Variants in CCDC73 observed in about 807,000 individuals in gnomAD.
CCDC73 encodes coiled-coil domain-containing protein 73.
In CCDC73, 95 loss-of-function variants were observed where a neutral mutation model predicts 116.5. That is an observed-to-expected ratio of 0.82 (90% CI 0.69 to 0.97). The LOEUF is 0.97. CCDC73 is among the 50% of genes least tolerant of loss of function. The pLI is 0.00. For missense variants in CCDC73, 1,066 were observed against 1,206.8 expected, an observed-to-expected ratio of 0.88 and a Z score of 1.73; for synonymous variants, 398 against 401.3, an observed-to-expected ratio of 0.99 and a Z score of 0.10.
At chr11:32,772,728 TGTTA>T (rs1565098348) in intron 1 of CCDC73, among the ~76,000 whole-genome samples, 1 of 152,166 alleles carries the variant, frequency 6.6e-6, no homozygotes, top group African/African-American at 2.4e-5. Context: ...GTTATAAAGG[TGTTA>T]GTTATTCTAT....
the CCDC73 span, among the ~76,000 whole-genome samples, chr11:32,823,897 T>G: frequency 9.3e-4 from 142 of 152,216 alleles, no homozygotes; most frequent in Non-Finnish European, 1.4e-3. Context: ...GTTTTTGTTT[T>G]GTTTTGTTTT....
chr11:32,823,882 T>G, the CCDC73 span, among the ~76,000 whole-genome samples: 1 of 151,914 alleles, frequency 6.6e-6, no homozygotes, highest in African/African-American at 2.4e-5. Context: ...GTTTTTTGTT[T>G]GTTTGTTTTT....
chr11:32,643,519 T>C (rs1430253704), intron 12 of CCDC73, among the ~76,000 whole-genome samples: 1 of 152,172 alleles, frequency 6.6e-6, no homozygotes, highest in Non-Finnish European at 1.5e-5. Flanking sequence ...TATAGCTTAT[T>C]GCTCCTATGC....
intron 1 of CCDC73, among the ~76,000 whole-genome samples, chr11:32,763,856 A>G (rs1218748791): frequency 6.6e-6 from 1 of 152,204 alleles, no homozygotes; most frequent in African/African-American, 2.4e-5. Flanking sequence ...AAAGAAGCTA[A>G]AAACCTTGAA....
At chr11:32,768,269 C>T (rs189747713) in intron 1 of CCDC73, among the ~76,000 whole-genome samples, 42 of 152,222 alleles carry the variant, frequency 2.8e-4, no homozygotes, top group Admixed American at 6.5e-4. Flanking sequence ...GGGAATTGAA[C>T]AATGAGAACA....
At chr11:32,760,375 A>T (rs1455867753) in intron 1 of CCDC73, 117 bp from the exon 2 acceptor site, 4 of 601,476 alleles carry the variant, frequency 6.7e-6, no homozygotes, top group African/African-American at 3.8e-5. Context: ...TCAGCACTGA[A>T]TAACAGTTGT....
chr11:32,655,521 A>G lies in CCDC73; in HGVS notation c.646-549T>C, dbSNP rs146291334. On this transcript the variant is annotated intron_variant, in intron 9 of 17. Coordinates refer to ENST00000335185, the MANE Select transcript of CCDC73 (RefSeq NM_001008391.4). ...CCAGGCAAAAGGTTCTACATGCACA[A>G]AGCCACAGAAACATGAAAGAGAACG... Among the ~76,000 whole-genome samples the G allele has an allele frequency of 7.7e-3, 1,168 of 152,354 alleles. 12 individuals carry two copies. Among genetic ancestry groups the G allele is most frequent in the African/African-American group, 0.026 (1,085 of 41,578 alleles).
At chr11:32,768,443 C>T (rs1183549479) in intron 1 of CCDC73, among the ~76,000 whole-genome samples, 1 of 151,670 alleles carries the variant, frequency 6.6e-6, no homozygotes. Flanking sequence ...GCACGTTGTG[C>T]ACATGCATCC....
At chr11:32,603,182 G>A in intron 17 of CCDC73, 162 bp from the exon 18 acceptor site, 1 of 576,148 alleles carries the variant, frequency 1.7e-6, no homozygotes, top group Non-Finnish European at 3.0e-6. Context: ...CAATGTGAAT[G>A]TGTAGGCTTA....
intron 14 of CCDC73, among the ~76,000 whole-genome samples, chr11:32,632,521 C>T (rs895974587): frequency 1.3e-5 from 2 of 151,984 alleles, no homozygotes; most frequent in East Asian, 1.9e-4. Flanking sequence ...CCACCGTGCC[C>T]GGCCGGTTGG....
intron 2 of CCDC73, among the ~76,000 whole-genome samples, chr11:32,736,754 A>G (rs1850133850): frequency 6.6e-6 from 1 of 151,942 alleles, no homozygotes; most frequent in South Asian, 2.1e-4. Flanking sequence ...AAGACTTGGA[A>G]CCAACCCAGA....
rs528476804 is a variant in CCDC73 at position 32,636,273 on chromosome 11, C to A, written c.1051-443G>T. Among the ~76,000 whole-genome samples the A allele has an allele frequency of 4.6e-5, 7 of 152,116 alleles. No individual in the cohort carries two copies. The East Asian group carries it at 1.2e-3, about 25-fold the overall frequency. On this transcript the variant is annotated intron_variant, in intron 13 of 17. Coordinates refer to ENST00000335185, the MANE Select transcript of CCDC73 (RefSeq NM_001008391.4). The stretch of plus-strand genomic sequence containing the variant: ...AAGAATTTATGAATTTTATATTCTA[C>A]AAACATTATACTTCCATTGTTTTCT...
Position 32,700,803 on chromosome 11 carries a change from C to A in CCDC73, c.303G>T (p.Leu101=). ...AAATTATAAATACCTTTTCTTCTTC[C>A]AGGGCACACATCTTCATCTGCAACT... ...KKQLQMKMCA[L]EEEKGKYQLA... The change falls in exon 5 of 18, where the codon CTG becomes CTT. Residue 101 remains leucine, a synonymous_variant. Transcript: ENST00000335185. 1 of 1,433,956 alleles carries A rather than the reference C, an allele frequency of 7.0e-7. No individual in the cohort carries two copies. Among genetic ancestry groups the A allele is most frequent in the South Asian group, 1.4e-5 (1 of 73,358 alleles). 88.8% of individuals were successfully genotyped at this position (1,433,956 alleles called of 1,614,324 possible). A position where few individuals can be genotyped will look rare whatever the true frequency, so the allele number is the denominator to read the frequency against.
upstream of CCDC73, among the ~76,000 whole-genome samples, chr11:32,799,336 C>T (rs148969564): frequency 7.2e-3 from 1,091 of 152,150 alleles, 15 homozygotes; most frequent in African/African-American, 0.025. Context: ...AACTGATCTG[C>T]CCACCTCACC....
intron 1 of CCDC73, among the ~76,000 whole-genome samples, chr11:32,765,693 A>G (rs555646154): frequency 6.6e-6 from 1 of 152,254 alleles, no homozygotes; most frequent in Admixed American, 6.5e-5. Context: ...CTAACATCAC[A>G]ATTAAAAGAA....
intron 1 of CCDC73, among the ~76,000 whole-genome samples, chr11:32,774,130 C>T (rs1223569424): frequency 6.6e-6 from 1 of 152,138 alleles, no homozygotes; most frequent in Admixed American, 6.6e-5. Context: ...GTACTCCTAA[C>T]TAGAATTGCC....
intron 2 of CCDC73, among the ~76,000 whole-genome samples, chr11:32,743,017 A>C (rs1021260083): frequency 6.6e-6 from 1 of 151,828 alleles, no homozygotes; most frequent in Non-Finnish European, 1.5e-5. Flanking sequence ...TGGTCTATAT[A>C]TCTGTTTTGG....
intron 2 of CCDC73, among the ~76,000 whole-genome samples, chr11:32,737,462 A>G (rs1850143992): frequency 6.6e-6 from 1 of 152,100 alleles, no homozygotes; most frequent in South Asian, 2.1e-4. Flanking sequence ...AAAATACAAA[A>G]ATTAGCCCGT....
intron 1 of CCDC73, among the ~76,000 whole-genome samples, chr11:32,793,994 C>G (rs573598150): frequency 3.2e-4 from 49 of 152,158 alleles, no homozygotes; most frequent in African/African-American, 1.0e-3. Flanking sequence ...TAAATTTGCT[C>G]GTGCAAGGCA....
Sources: allele counts gnomAD v4.1 joint callset (sites outside exome capture counted in the v4.1 genomes callset), GRCh38; gene constraint gnomAD v4.1.1; transcripts MANE v1.5; gene names NCBI Gene and HGNC (gene_info 2026-07-23, HGNC 2026-07-21).